The following MACROH2A1 variants were observed in gnomAD, a reference collection of about 807,000 sequenced individuals.
MACROH2A1 encodes the protein macroH2A.1 histone, also known as core histone macro-H2A.1.
A neutral mutation model predicts 31.6 loss-of-function variants in MACROH2A1; 2 were observed. That is an observed-to-expected ratio of 0.06 (90% CI 0.03 to 0.20). The LOEUF is 0.20. MACROH2A1 is among the 10% of genes least tolerant of loss of function. The pLI, the probability that MACROH2A1 is intolerant of heterozygous loss-of-function variation, is 1.00. For synonymous variants in MACROH2A1, 169 were observed against 189.6 expected (o/e 0.89, Z 0.89); for missense variants, 230 against 474.0 (o/e 0.49, Z 4.78).
chr5:135,394,122 A>C (rs946127297), intron 1 of MACROH2A1, among the ~76,000 whole-genome samples: 1 of 152,224 alleles, frequency 6.6e-6, no homozygotes, highest in Non-Finnish European at 1.5e-5. Context: ...AAAGAACCAA[A>C]GTGCCATGGA....
chr5:135,369,530 C>T lies in MACROH2A1; in HGVS notation c.353G>A (p.Arg118Gln), dbSNP rs750294843. The change falls in exon 4 of 9, where the codon CGG (arginine) becomes CAG (glutamine). Residue 118 changes from arginine to glutamine, a missense_variant. By Grantham distance (43) the Arg-to-Gln change is conservative. Around this residue, in one of 2 missense-constraint regions of MACROH2A1, gnomAD observed 183 missense variants for 319.3 expected, o/e 0.57. Coordinates refer to ENST00000511689, the MANE Select transcript of MACROH2A1 (RefSeq NM_138610.3). This position sits in a 1 kb window ranked among gnomAD's most constrained non-coding sequence, Gnocchi z 4.3. The part of the protein sequence containing the change: ...NIHPELLAKK[R>Q]GSKGKLEAII... ...GGCTTCCAACTTTCCTTTGGATCCCCGCTTCTTCGCTAGCAACTCGGGGTG... is the reference window on the plus strand; with the variant it reads ...GGCTTCCAACTTTCCTTTGGATCCCTGCTTCTTCGCTAGCAACTCGGGGTG... 5.6e-6 allele frequency: 9 copies of T among 1,614,008 alleles called. No individual in the cohort carries two copies. The highest frequency in any genetic ancestry group is 2.2e-5 in the East Asian group (1 of 44,896).
chr5:135,336,756 C>T (rs762504818), intron 8 of MACROH2A1, among the ~76,000 whole-genome samples: 1 of 152,244 alleles, frequency 6.6e-6, no homozygotes, highest in Non-Finnish European at 1.5e-5. Flanking sequence ...GATCTGAAAT[C>T]TTGGCCCACA....
At chr5:135,387,877 C>T (rs779566) in intron 2 of MACROH2A1, among the ~76,000 whole-genome samples, 20,733 of 151,874 alleles carry the variant, frequency 0.14, 2,659 homozygotes, top group African/African-American at 0.34. Flanking sequence ...GGCTGGAATA[C>T]CTTATTGTGT....
At chr5:135,339,609 TTGTC>T (rs1287600726) in intron 8 of MACROH2A1, among the ~76,000 whole-genome samples, 1 of 152,200 alleles carries the variant, frequency 6.6e-6, no homozygotes, top group African/African-American at 2.4e-5. Flanking sequence ...CTGGTATTCT[TTGTC>T]TGTCACTTAG....
chr5:135,397,259 GCTC>G (rs1267197917), intron 1 of MACROH2A1, among the ~76,000 whole-genome samples: 1 of 152,090 alleles, frequency 6.6e-6, no homozygotes, highest in South Asian at 2.1e-4. Context: ...AATGCGAGGC[GCTC>G]CTCAAGTTCG....
chr5:135,389,680 C>A (rs1186507216), intron 1 of MACROH2A1, among the ~76,000 whole-genome samples: 2 of 152,194 alleles, frequency 1.3e-5, no homozygotes, highest in Non-Finnish European at 2.9e-5. Context: ...ATGGGCCAAT[C>A]TTTAGAGAAG....
intron 7 of MACROH2A1, 74 bp from the exon 8 acceptor site, chr5:135,343,508 C>T (rs1334049291): frequency 6.3e-7 from 1 of 1,584,326 alleles, no homozygotes; most frequent in African/African-American, 1.3e-5. Context: ...AACACAGACC[C>T]ACTCCCCTGC....
intron 5 of MACROH2A1, chr5:135,358,570 C>T (rs1301122043): frequency 5.1e-6 from 5 of 985,210 alleles, no homozygotes; most frequent in Non-Finnish European, 6.0e-6. Context: ...TTATGGCTGA[C>T]CATTTTATAC....
In MACROH2A1 at chr5:135,397,095, G is replaced by A. The variant is rs561854655; in HGVS notation, c.-34+1967C>T. Among the ~76,000 whole-genome samples, 23 of 152,266 alleles carry A rather than the reference G, an allele frequency of 1.5e-4. No homozygotes were observed. The East Asian group carries it at 4.1e-3, about 27-fold the overall frequency. On this transcript the variant is annotated intron_variant, in intron 1 of 8. Transcript: ENST00000511689. ...AACCAGAGGCTGTTGCAGTTCTGAT[G>A]AACAACACATATAGAGTCTTGTTGG... is the stretch of plus-strand genomic sequence containing the variant.
chr5:135,366,631 T>A (rs1469831924), intron 4 of MACROH2A1, among the ~76,000 whole-genome samples: 4 of 151,786 alleles, frequency 2.6e-5, no homozygotes, highest in Non-Finnish European at 4.4e-5. Flanking sequence ...TACATCTCTA[T>A]ATGCTTTTAT....
chr5:135,360,976 TAAG>T (rs1581222306), intron 4 of MACROH2A1: 1 of 358,340 alleles, frequency 2.8e-6, no homozygotes, highest in Non-Finnish European at 5.4e-6. Context: ...TATTCAAGCT[TAAG>T]AAGAAAAACT....
At chr5:135,386,511 G>A (rs3756364) in intron 2 of MACROH2A1, among the ~76,000 whole-genome samples, 14,997 of 152,280 alleles carry the variant, frequency 0.098, 888 homozygotes, top group South Asian at 0.16. Flanking sequence ...TGATGCCAGA[G>A]TAAGGATCTG....
At chr5:135,387,420 G>A (rs1475724351) in intron 2 of MACROH2A1, among the ~76,000 whole-genome samples, 1 of 152,132 alleles carries the variant, frequency 6.6e-6, no homozygotes, top group East Asian at 1.9e-4. Flanking sequence ...GGAAACCCTC[G>A]GCCTTGCCTT....
chr5:135,350,949 GGACCGA>G, intron 6 of MACROH2A1: 1 of 1,401,858 alleles, frequency 7.1e-7, no homozygotes, highest in Non-Finnish European at 1.0e-6. Context: ...CAACTGTGTT[GGACCGA>G]GACCCACGCA....
chr5:135,347,738 G>C (rs992846864), intron 6 of MACROH2A1: 7 of 152,370 alleles, frequency 4.6e-5, no homozygotes, highest in African/African-American at 1.7e-4. Flanking sequence ...CTGAGAAAAA[G>C]GAATCTGGAG....
At chr5:135,389,896 T>C (rs1209190659) in intron 1 of MACROH2A1, among the ~76,000 whole-genome samples, 1 of 152,194 alleles carries the variant, frequency 6.6e-6, no homozygotes, top group African/African-American at 2.4e-5. Context: ...TAATCCACCC[T>C]CTACCCCATG....
At chr5:135,376,469 T>C (rs922704582) in intron 2 of MACROH2A1, among the ~76,000 whole-genome samples, 2 of 152,232 alleles carry the variant, frequency 1.3e-5, no homozygotes, top group Non-Finnish European at 2.9e-5. Flanking sequence ...ATTACCTTAA[T>C]CTAACCCACC....
intron 1 of MACROH2A1, among the ~76,000 whole-genome samples, chr5:135,397,188 C>T (rs777764298): frequency 1.4e-4 from 21 of 152,070 alleles, no homozygotes; most frequent in African/African-American, 4.3e-4. Context: ...GACTTGGGGC[C>T]GCATTAGCTC....
In MACROH2A1 at chr5:135,372,619, C is replaced by T. The variant is rs142887491; in HGVS notation, c.173-2477G>A. Among the ~76,000 whole-genome samples, 240 of 152,376 alleles carry T rather than the reference C, an allele frequency of 1.6e-3. 1 individual carries two copies. Among genetic ancestry groups the T allele is most frequent in the Non-Finnish European group, 2.2e-3 (149 of 68,042 alleles). On this transcript the variant is annotated intron_variant, in intron 2 of 8. Coordinates refer to ENST00000511689, the MANE Select transcript of MACROH2A1 (RefSeq NM_138610.3). ...AATGCAGAAGCGCCTGCCTGGCCAG[C>T]CCAGCTTGGCCTTCATTCTCCTGTG...
Sources: allele counts gnomAD v4.1 joint callset (sites outside exome capture counted in the v4.1 genomes callset), GRCh38; gene constraint gnomAD v4.1.1; regional missense constraint gnomAD v4.1.1; non-coding constraint Gnocchi (gnomAD v3.1); transcripts MANE v1.5; gene names NCBI Gene and HGNC (gene_info 2026-07-23, HGNC 2026-07-21).